MYO3B: variants seen among roughly 807,000 people sequenced by gnomAD.
MYO3B encodes the protein myosin IIIB, also known as myosin-IIIb.
A neutral mutation model predicts 174.6 loss-of-function variants in MYO3B; 156 were observed. The observed-to-expected ratio is 0.89, with a 90% CI of 0.78 to 1.02. The LOEUF (loss-of-function observed/expected upper bound fraction) is 1.02. Ranked by LOEUF, MYO3B falls within the 50% of genes least tolerant of loss-of-function variation. The pLI is 0.00. For synonymous variants in MYO3B, 563 were observed against 569.1 expected (o/e 0.99, Z 0.15); for missense variants, 1,632 against 1,639.4 (o/e 1.00, Z 0.08).
At chr2:170,479,041 TG>T (rs2106004813) in intron 25 of MYO3B, among the ~76,000 whole-genome samples, 1 of 150,516 alleles carries the variant, frequency 6.6e-6, no homozygotes, top group Admixed American at 6.6e-5. Flanking sequence ...CCCAACACTT[TG>T]GGAGGCCGAG....
chr2:170,286,463 T>G (rs1162944997), intron 7 of MYO3B, among the ~76,000 whole-genome samples: 1 of 152,174 alleles, frequency 6.6e-6, no homozygotes, highest in Non-Finnish European at 1.5e-5. Context: ...TTTATATCTA[T>G]TTAGAGGCTT....
At chr2:170,628,214 T>C (rs1018349139) in intron 32 of MYO3B, among the ~76,000 whole-genome samples, 1 of 152,214 alleles carries the variant, frequency 6.6e-6, no homozygotes, top group African/African-American at 2.4e-5. Flanking sequence ...GCTTCCTGGC[T>C]GCTTTGTTTA....
At chr2:170,565,453 C>T (rs901363587) in intron 32 of MYO3B, among the ~76,000 whole-genome samples, 1 of 152,162 alleles carries the variant, frequency 6.6e-6, no homozygotes, top group African/African-American at 2.4e-5. Context: ...GTACCTAGCA[C>T]ACAGTAAGTG....
chr2:170,610,255 G>A (rs1327344644), intron 32 of MYO3B, among the ~76,000 whole-genome samples: 1 of 67,410 alleles, frequency 1.5e-5, no homozygotes. Flanking sequence ...CAGGAGAATG[G>A]CGTGAACCCC....
intron 3 of MYO3B, among the ~76,000 whole-genome samples, chr2:170,210,223 C>G (rs1487781487): frequency 1.3e-5 from 2 of 152,162 alleles, no homozygotes; most frequent in Admixed American, 1.3e-4. Context: ...ATATAATACC[C>G]TTTTGAATTT....
intron 32 of MYO3B, among the ~76,000 whole-genome samples, chr2:170,548,370 C>A (rs1213918245): frequency 6.6e-6 from 1 of 152,104 alleles, no homozygotes; most frequent in Admixed American, 6.6e-5. Flanking sequence ...TAACAAACAT[C>A]CTAGGAATCT....
rs140625254 is a variant in MYO3B, at chr2:170,588,905, T to C, written c.3733+44917T>C. Among the ~76,000 whole-genome samples the C allele has an allele frequency of 8.0e-3, 1,223 of 152,320 alleles. 5 individuals are homozygous for C. Among genetic ancestry groups the C allele is most frequent in the Non-Finnish European group, 0.012 (842 of 68,032 alleles). The stretch of plus-strand genomic sequence containing the variant: ...TGGAAGATGACACTCAAGAGGTTCA[T>C]CCATGATTTTAAAGAATTTGCCAAC... On this transcript the variant is annotated intron_variant, in intron 32 of 34. Transcript: ENST00000408978.
rs57455305 is a variant in MYO3B at position 170,313,468 on chromosome 2, A to G, written c.750-21917A>G. On this transcript the variant is annotated intron_variant, in intron 7 of 34. Coordinates refer to ENST00000408978, the MANE Select transcript of MYO3B (RefSeq NM_138995.5). ...GAGGGAAAAACCTACAGCTGAGCCCATCTTCAGGGCCAGCCTTGGTCTATG... is the reference window on the plus strand; with the variant it reads ...GAGGGAAAAACCTACAGCTGAGCCCGTCTTCAGGGCCAGCCTTGGTCTATG... Among the ~76,000 whole-genome samples the G allele has an allele frequency of 6.4e-3, 982 of 152,320 alleles. 14 individuals are homozygous for G. The highest frequency in any genetic ancestry group is 0.023 in the African/African-American group (938 of 41,576).
chr2:170,625,025 C>A lies in MYO3B; in HGVS notation c.3734-26603C>A, dbSNP rs187088331. The stretch of plus-strand genomic sequence containing the variant: ...TCATCAGGGATATTGGTCTAAAATT[C>A]TCTTGTTTTGTTGTGTCTCTGCCAG... On this transcript the variant is annotated intron_variant, in intron 32 of 34. Coordinates refer to ENST00000408978, the MANE Select transcript of MYO3B (RefSeq NM_138995.5). Among the ~76,000 whole-genome samples, 71 of 152,180 alleles carry A rather than the reference C, an allele frequency of 4.7e-4. No homozygotes were observed. The East Asian group carries it at 0.012, about 26-fold the overall frequency.
At chr2:170,424,961 C>G (rs2094649285) in intron 22 of MYO3B, among the ~76,000 whole-genome samples, 1 of 152,174 alleles carries the variant, frequency 6.6e-6, no homozygotes, top group Non-Finnish European at 1.5e-5. Context: ...ATGAAAGATT[C>G]TTTACTTTTT....
chr2:170,646,939 G>T (rs757165727), intron 32 of MYO3B: 2 of 1,349,760 alleles, frequency 1.5e-6, no homozygotes, highest in Non-Finnish European at 2.0e-6. Context: ...AACTTTTATG[G>T]GTATATATCT....
intron 22 of MYO3B, among the ~76,000 whole-genome samples, chr2:170,418,683 T>G (rs1038509043): frequency 3.9e-5 from 6 of 152,068 alleles, no homozygotes; most frequent in Admixed American, 3.3e-4. Flanking sequence ...GGTCTAAGAG[T>G]TGTTACCTCC....
intron 23 of MYO3B, 86 bp downstream of exon 23, chr2:170,444,132 C>A: frequency 2.5e-6 from 3 of 1,210,346 alleles, no homozygotes; most frequent in South Asian, 1.3e-5. Flanking sequence ...AGCATTAGTT[C>A]CCTTCTAGCA....
At chr2:170,273,750 T>TTA (rs2093442153) in intron 7 of MYO3B, among the ~76,000 whole-genome samples, 3 of 15,976 alleles carry the variant, frequency 1.9e-4, no homozygotes, top group Admixed American at 2.2e-3. Context: ...AGGATTGGAC[T>TTA]CGTGTAATTA....
At chr2:170,263,463 G>C (rs927288462) in intron 7 of MYO3B, among the ~76,000 whole-genome samples, 2 of 152,082 alleles carry the variant, frequency 1.3e-5, no homozygotes, top group African/African-American at 4.8e-5. Context: ...AGTATTTATT[G>C]ATCGTTATCT....
chr2:170,436,525 C>T (rs969534977), intron 22 of MYO3B, among the ~76,000 whole-genome samples: 3 of 152,286 alleles, frequency 2.0e-5, no homozygotes, highest in African/African-American at 7.2e-5. Context: ...ACAGTTTAGC[C>T]TCTGAAGATA....
At chr2:170,623,307 A>G (rs1201682454) in intron 32 of MYO3B, among the ~76,000 whole-genome samples, 4 of 152,096 alleles carry the variant, frequency 2.6e-5, no homozygotes, top group African/African-American at 9.7e-5. Context: ...TTTGATTTGC[A>G]TTTCTCTGAT....
intron 7 of MYO3B, among the ~76,000 whole-genome samples, chr2:170,270,559 TTTGACTTCATG>T (rs1405549194): frequency 1.3e-5 from 2 of 152,224 alleles, no homozygotes; most frequent in African/African-American, 4.8e-5. Flanking sequence ...AGTCCTTGGC[TTTGACTTCATG>T]TTGTTTAAAA....
chr2:170,587,255 A>G (rs1693545736), intron 32 of MYO3B, among the ~76,000 whole-genome samples: 1 of 152,364 alleles, frequency 6.6e-6, no homozygotes, highest in African/African-American at 2.4e-5. Context: ...GCTGTAAGAC[A>G]GTATGCCATG....
Sources: gnomAD v4.1 joint callset for allele counts (sites outside exome capture counted in the v4.1 genomes callset) on GRCh38, gnomAD v4.1.1 for gene constraint, MANE v1.5 for transcripts, NCBI Gene and HGNC (gene_info 2026-07-23, HGNC 2026-07-21) for gene names.